Variants in PAK3 observed in about 807,000 individuals in gnomAD.
PAK3 encodes the protein serine/threonine-protein kinase PAK 3.
A neutral mutation model predicts 41.0 loss-of-function variants in PAK3; 4 were observed. That is an observed-to-expected ratio of 0.10 (90% CI 0.05 to 0.22). The LOEUF (loss-of-function observed/expected upper bound fraction) is 0.22. PAK3 is among the 10% of genes least tolerant of loss of function. The pLI is 1.00. For missense variants in PAK3, 205 were observed against 409.9 expected, an observed-to-expected ratio of 0.50 and a Z score of 4.32; for synonymous variants, 146 against 139.6, an observed-to-expected ratio of 1.05 and a Z score of -0.32.
intron 9 of PAK3, 140 bp downstream of exon 9, chrX:111,163,186 T>C (rs1227843974): frequency 9.8e-6 from 6 of 613,537 alleles, no homozygotes; most frequent in Non-Finnish European, 1.6e-5. Context: ...ATGACCAAGG[T>C]TTTGAGGATA....
intron 1 of PAK3, among the ~76,000 whole-genome samples, chrX:111,048,770 C>T (rs1288677063): frequency 2.7e-5 from 3 of 112,533 alleles, no homozygotes; most frequent in Non-Finnish European, 5.6e-5. Context: ...TTGCCTAGAC[C>T]ACTACAATTG....
intron 13 of PAK3, 80 bp downstream of exon 13, chrX:111,192,698 C>A: frequency 1.8e-6 from 1 of 542,200 alleles, no homozygotes; most frequent in Non-Finnish European, 3.3e-6. Context: ...ATTTGGGATT[C>A]GTTCATTTAA....
At chrX:111,059,035 G>A (rs1295877802) in intron 1 of PAK3, among the ~76,000 whole-genome samples, 1 of 108,818 alleles carries the variant, frequency 9.2e-6, no homozygotes, top group Non-Finnish European at 1.9e-5. Context: ...TGGGAATTAT[G>A]AGTCTTCATT....
intron 1 of PAK3, among the ~76,000 whole-genome samples, chrX:111,071,793 G>A (rs748944170): frequency 4.5e-5 from 5 of 111,746 alleles, no homozygotes; most frequent in African/African-American, 9.7e-5. Context: ...AGAGTAGAGT[G>A]GTAAACATCA....
intron 8 of PAK3, among the ~76,000 whole-genome samples, chrX:111,155,677 T>C (rs1198486531): frequency 9.0e-6 from 1 of 110,976 alleles, no homozygotes; most frequent in Admixed American, 9.6e-5. Flanking sequence ...TTGGTATGTA[T>C]TTGTTGAATG....
intron 1 of PAK3, among the ~76,000 whole-genome samples, chrX:110,951,039 CT>C (rs1228104102): frequency 8.9e-6 from 1 of 111,859 alleles, no homozygotes; most frequent in Non-Finnish European, 1.9e-5. Flanking sequence ...TCATTGAGTA[CT>C]AGTGAGGTTG....
At position 111,155,776 on chromosome X, in the gene PAK3, G is replaced by A. The variant is rs748927527; in HGVS notation, c.468+3329G>A. Reference sequence around the variant, plus strand: ...ATTTCGATCTGTGAAGATGGGAAGGGCATTTTAAGTAAAAAGAAAAGCATA... The same window carrying A: ...ATTTCGATCTGTGAAGATGGGAAGGACATTTTAAGTAAAAAGAAAAGCATA... On this transcript the variant is annotated intron_variant, in intron 8 of 17. Coordinates refer to ENST00000372007, the MANE Select transcript of PAK3 (RefSeq NM_002578.5). Among the ~76,000 whole-genome samples, 119 of 111,693 alleles carry A rather than the reference G, an allele frequency of 1.1e-3. 1 individual carries two copies. Among genetic ancestry groups the A allele is most frequent in the African/African-American group, 3.4e-3 (106 of 30,756 alleles).
Position 111,216,704 on chromosome X carries a change from G to A in PAK3, c.1545+146G>A, listed in dbSNP as rs151252860. 3.0e-3 allele frequency: 1,616 copies of A among 535,829 alleles called. 7 individuals are homozygous for A. The highest frequency in any genetic ancestry group is 4.5e-3 in the Non-Finnish European group (1,428 of 317,373). The allele number at this position is 535,829 out of a possible 1,213,427, so 44.2% of individuals were successfully genotyped here. A position where few individuals can be genotyped will look rare whatever the true frequency, so the allele number is the denominator to read the frequency against. On this transcript the variant is annotated intron_variant, in intron 17 of 17. Transcript: ENST00000372007. The stretch of plus-strand genomic sequence containing the variant: ...ACCACAGGCACATAACTATAGGCAC[G>A]CATCTAATACATGATTGATTGACGT...
intron 1 of PAK3, among the ~76,000 whole-genome samples, chrX:111,047,212 C>A (rs934966965): frequency 8.9e-6 from 1 of 111,815 alleles, no homozygotes; most frequent in African/African-American, 3.2e-5. Flanking sequence ...AGGACTAATG[C>A]GTGAGGATGT....
chrX:110,950,749 G>T (rs2090727499), intron 1 of PAK3, among the ~76,000 whole-genome samples: 1 of 110,989 alleles, frequency 9.0e-6, no homozygotes, highest in African/African-American at 3.3e-5. Flanking sequence ...ATTAAATATT[G>T]GTGCAATGTA....
intron 1 of PAK3, among the ~76,000 whole-genome samples, chrX:110,991,434 G>A (rs1240886005): frequency 1.8e-5 from 2 of 111,512 alleles, no homozygotes; most frequent in Non-Finnish European, 3.8e-5. Flanking sequence ...TAGTTGTGTA[G>A]CCTTGGTCGA....
chrX:111,211,491 C>T (rs2094818834), intron 16 of PAK3, among the ~76,000 whole-genome samples: 1 of 109,513 alleles, frequency 9.1e-6, no homozygotes, highest in African/African-American at 3.3e-5. Flanking sequence ...TCCTGGTCAA[C>T]ATGGTGAAAC....
intron 5 of PAK3, among the ~76,000 whole-genome samples, chrX:111,137,137 C>T (rs1186531273): frequency 1.8e-5 from 2 of 111,648 alleles, no homozygotes; most frequent in Non-Finnish European, 3.8e-5. Context: ...ACGCACTTGG[C>T]CAGGAGAACT....
chrX:111,120,108 T>C (rs1418960421), intron 4 of PAK3, among the ~76,000 whole-genome samples: 2 of 112,314 alleles, frequency 1.8e-5, no homozygotes, highest in Non-Finnish European at 3.8e-5. Flanking sequence ...ACTTGTGTCT[T>C]TGTAAAAGGT....
At chrX:111,110,935 A>G (rs1318026850) in intron 4 of PAK3, among the ~76,000 whole-genome samples, 1 of 111,995 alleles carries the variant, frequency 8.9e-6, no homozygotes, top group Non-Finnish European at 1.9e-5. Context: ...CTTGGTTTCT[A>G]TGACAACATA....
intron 1 of PAK3, among the ~76,000 whole-genome samples, chrX:111,011,343 G>T (rs2092008218): frequency 8.9e-6 from 1 of 111,841 alleles, no homozygotes; most frequent in Non-Finnish European, 1.9e-5. Flanking sequence ...GGTTATTTGT[G>T]TTTCCCAGAA....
chrX:111,010,535 G>A (rs2091996919), intron 1 of PAK3, among the ~76,000 whole-genome samples: 1 of 111,719 alleles, frequency 9.0e-6, no homozygotes, highest in African/African-American at 3.3e-5. Context: ...GATTCCTCAT[G>A]AATGGCTAAG....
chrX:111,071,713 C>T (rs977685024), intron 1 of PAK3, among the ~76,000 whole-genome samples: 2 of 112,052 alleles, frequency 1.8e-5, no homozygotes, highest in African/African-American at 3.2e-5. Context: ...TATTTGGTCA[C>T]ACAGGTGGTT....
At chrX:111,045,812 C>A (rs1243765565) in intron 1 of PAK3, among the ~76,000 whole-genome samples, 1 of 111,600 alleles carries the variant, frequency 9.0e-6, no homozygotes. Context: ...TTTCCATGGA[C>A]CATGGCGAGG....
Sources: gnomAD v4.1 joint callset for allele counts (sites outside exome capture counted in the v4.1 genomes callset) on GRCh38, gnomAD v4.1.1 for gene constraint, MANE v1.5 for transcripts, NCBI Gene and HGNC (gene_info 2026-07-23, HGNC 2026-07-21) for gene names.